The following NEDD4L variants were observed in gnomAD, a reference collection of about 807,000 sequenced individuals.
NEDD4L encodes E3 ubiquitin-protein ligase NEDD4-like.
Under a neutral mutation model 148.9 loss-of-function variants are expected in NEDD4L, and 54 were observed. That is an observed-to-expected ratio of 0.36 (90% CI 0.29 to 0.45). The LOEUF (loss-of-function observed/expected upper bound fraction) is 0.45, where lower values mean the gene tolerates loss of function less well. Among genes scored for constraint, NEDD4L ranks in the 20% least tolerant of loss-of-function variants. NEDD4L has a pLI of 1.00. For missense variants in NEDD4L, 856 were observed against 1,233.8 expected (o/e 0.69, Z 4.59); for synonymous variants, 433 against 440.7 (o/e 0.98, Z 0.22).
chr18:58,327,103 C>A (rs2059376966), intron 9 of NEDD4L, among the ~76,000 whole-genome samples: 1 of 152,160 alleles, frequency 6.6e-6, no homozygotes, highest in Admixed American at 6.5e-5. Flanking sequence ...GGGAAAAATG[C>A]AGTTCTTTTT....
intron 19 of NEDD4L, among the ~76,000 whole-genome samples, chr18:58,360,742 TTGTGTGTGTGTGTGTG>T (rs10665833): frequency 6.2e-5 from 9 of 145,976 alleles, no homozygotes; most frequent in Admixed American, 4.8e-4. Flanking sequence ...AGTTTATAAT[TTGTGTGTGTGTGTGTG>T]TGTGTGTGTG....
At chr18:58,357,517 G>C in intron 19 of NEDD4L, 6 of 626,846 alleles carry the variant, frequency 9.6e-6, no homozygotes, top group South Asian at 7.6e-5. Flanking sequence ...TTTATAAAAG[G>C]GTGGACTATA....
chr18:58,106,003 T>G (rs2085050369), intron 1 of NEDD4L, among the ~76,000 whole-genome samples: 1 of 152,264 alleles, frequency 6.6e-6, no homozygotes, highest in Non-Finnish European at 1.5e-5. Flanking sequence ...AAATGATTAC[T>G]GCATCAGCTA....
chr18:58,128,282 G>A (rs2031494285), intron 1 of NEDD4L, among the ~76,000 whole-genome samples: 3 of 152,124 alleles, frequency 2.0e-5, no homozygotes, highest in Admixed American at 6.5e-5. Flanking sequence ...CCTGGCCTCA[G>A]GTGATCCACC....
At chr18:58,283,117 C>T (rs1466917136) in intron 5 of NEDD4L, among the ~76,000 whole-genome samples, 1 of 152,026 alleles carries the variant, frequency 6.6e-6, no homozygotes, top group Admixed American at 6.5e-5. Flanking sequence ...GCTCTGTCGC[C>T]CAGGCTGGAG....
At chr18:58,163,948 T>A (rs1324508018) in intron 1 of NEDD4L, among the ~76,000 whole-genome samples, 1 of 152,178 alleles carries the variant, frequency 6.6e-6, no homozygotes, top group Non-Finnish European at 1.5e-5. Context: ...CACCTAGGTC[T>A]TGACTAAACA....
intron 16 of NEDD4L, among the ~76,000 whole-genome samples, chr18:58,345,927 T>TTTC (rs2042995698): frequency 7.2e-6 from 1 of 138,178 alleles, no homozygotes; most frequent in African/African-American, 2.8e-5. Context: ...TTTTTTGTTT[T>TTTC]TTGTTTTTTT....
intron 5 of NEDD4L, among the ~76,000 whole-genome samples, chr18:58,275,858 A>G (rs17064643): frequency 0.18 from 26,909 of 152,044 alleles, 2,507 homozygotes; most frequent in Non-Finnish European, 0.18. Context: ...CCCTATGGGC[A>G]TTGAAAGTAG....
chr18:58,396,645 A>G lies in NEDD4L; in HGVS notation c.*376A>G, dbSNP rs1217506762. On this transcript the variant is annotated 3_prime_UTR_variant, in exon 31 of 31. Coordinates refer to ENST00000400345, the MANE Select transcript of NEDD4L (RefSeq NM_001144967.3). Reference sequence around the variant, plus strand: ...CGACTCATGTTTACTTTTTAAAATGATTTAGACCGATTTTCAGATTTTATT... The same window carrying G: ...CGACTCATGTTTACTTTTTAAAATGGTTTAGACCGATTTTCAGATTTTATT... 6.5e-6 allele frequency: 1 copy of G among 154,614 alleles called. No individual in the cohort carries two copies. Among genetic ancestry groups the G allele is most frequent in the Non-Finnish European group, 1.4e-5 (1 of 69,516 alleles). 9.6% of individuals were successfully genotyped at this position (154,614 alleles called of 1,614,324 possible).
chr18:58,261,612 C>T (rs940437338), intron 5 of NEDD4L, among the ~76,000 whole-genome samples: 2 of 152,114 alleles, frequency 1.3e-5, no homozygotes, highest in Non-Finnish European at 2.9e-5. Flanking sequence ...GCTATCTTTT[C>T]ATAAAAGTTC....
chr18:58,181,913 A>T (rs2038904651), intron 2 of NEDD4L, among the ~76,000 whole-genome samples: 1 of 152,214 alleles, frequency 6.6e-6, no homozygotes. Flanking sequence ...GACTCAGAAG[A>T]GGCTAGAGAG....
At chr18:58,080,431 G>A (rs2083372903) in intron 1 of NEDD4L, among the ~76,000 whole-genome samples, 1 of 152,200 alleles carries the variant, frequency 6.6e-6, no homozygotes, top group African/African-American at 2.4e-5. Flanking sequence ...CAGTAAAGTG[G>A]GATTATTTCT....
chr18:58,205,179 C>T (rs2041853857), intron 2 of NEDD4L, among the ~76,000 whole-genome samples: 1 of 152,184 alleles, frequency 6.6e-6, no homozygotes, highest in African/African-American at 2.4e-5. Flanking sequence ...GGTTCTTAGT[C>T]CTTTTAATTA....
intron 1 of NEDD4L, among the ~76,000 whole-genome samples, chr18:58,139,780 G>A (rs2033287276): frequency 6.6e-6 from 1 of 152,156 alleles, no homozygotes; most frequent in Non-Finnish European, 1.5e-5. Flanking sequence ...CCCAAAGGGA[G>A]GAAGCTCAGG....
At chr18:58,357,299 G>A (rs780898594) in intron 19 of NEDD4L, 47 bp downstream of exon 19, 10 of 1,467,812 alleles carry the variant, frequency 6.8e-6, no homozygotes, top group South Asian at 3.4e-5. Context: ...TTTTGGTTAC[G>A]TGTTTACGTG....
intron 13 of NEDD4L, among the ~76,000 whole-genome samples, chr18:58,336,658 G>T (rs187461988): frequency 7.9e-5 from 12 of 152,002 alleles, no homozygotes; most frequent in South Asian, 2.1e-4. Context: ...ATAACTTTAC[G>T]TATACAATTG....
At chr18:58,357,101 G>A (rs2044766333) in intron 18 of NEDD4L, 93 bp from the exon 19 acceptor site, 1 of 1,179,960 alleles carries the variant, frequency 8.5e-7, no homozygotes, top group Admixed American at 2.1e-5. Context: ...AGCTTTTGAA[G>A]AATCCAGAAA....
chr18:58,254,047 G>T (rs2048221999), intron 5 of NEDD4L, among the ~76,000 whole-genome samples: 1 of 151,656 alleles, frequency 6.6e-6, no homozygotes, highest in East Asian at 1.9e-4. Flanking sequence ...TGTGGCTATG[G>T]TAGTACTTGG....
intron 2 of NEDD4L, among the ~76,000 whole-genome samples, chr18:58,170,031 C>T (rs2037371665): frequency 6.6e-6 from 1 of 152,192 alleles, no homozygotes; most frequent in Non-Finnish European, 1.5e-5. Flanking sequence ...TATTATAGCA[C>T]ATAGCACCTA....
Sources: allele counts gnomAD v4.1 joint callset (sites outside exome capture counted in the v4.1 genomes callset), GRCh38; gene constraint gnomAD v4.1.1; transcripts MANE v1.5; gene names NCBI Gene and HGNC (gene_info 2026-07-23, HGNC 2026-07-21).